Variants in C1orf21 observed in about 807,000 individuals in gnomAD.
C1orf21 encodes chromosome 1 open reading frame 21.
C1orf21 carries 3 observed loss-of-function variants against 18.7 expected under a neutral mutation model. The ratio of observed to expected loss-of-function variants is 0.16; its 90% CI spans 0.07 to 0.42. The LOEUF is 0.42. Ranked by LOEUF, C1orf21 falls within the 10% of genes least tolerant of loss-of-function variation. The pLI, the probability that C1orf21 is intolerant of heterozygous loss-of-function variation, is 0.99. For missense variants in C1orf21, 104 were observed against 143.6 expected (o/e 0.72, Z 1.41); for synonymous variants, 41 against 46.4 (o/e 0.88, Z 0.47).
intron 1 of C1orf21, among the ~76,000 whole-genome samples, chr1:184,427,905 G>A (rs1395130675): frequency 6.6e-6 from 1 of 152,098 alleles, no homozygotes; most frequent in Admixed American, 6.5e-5. Flanking sequence ...TTAAGTAAGG[G>A]CCTTATGACT....
intron 3 of C1orf21, among the ~76,000 whole-genome samples, chr1:184,588,744 T>G (rs949359306): frequency 6.6e-6 from 1 of 152,218 alleles, no homozygotes; most frequent in Admixed American, 6.5e-5. Flanking sequence ...GAGTGGTTAT[T>G]ATTGGTCTTG....
At chr1:184,409,716 T>G (rs1656303429) in intron 1 of C1orf21, among the ~76,000 whole-genome samples, 1 of 152,178 alleles carries the variant, frequency 6.6e-6, no homozygotes, top group Non-Finnish European at 1.5e-5. Context: ...AATTAAATGT[T>G]ATCATGACTC....
At chr1:184,594,868 T>C (rs918746369) in intron 4 of C1orf21, among the ~76,000 whole-genome samples, 2 of 152,212 alleles carry the variant, frequency 1.3e-5, no homozygotes, top group African/African-American at 4.8e-5. Flanking sequence ...CTTTTTATCA[T>C]TTGCAGATTT....
At chr1:184,478,752 T>A (rs991912167) in intron 2 of C1orf21, among the ~76,000 whole-genome samples, 8 of 152,234 alleles carry the variant, frequency 5.3e-5, no homozygotes, top group Non-Finnish European at 1.2e-4. Context: ...ACCAGGCAGA[T>A]GAAGCAATTT....
intron 3 of C1orf21, among the ~76,000 whole-genome samples, chr1:184,529,579 GATGT>G (rs2101972455): frequency 6.6e-6 from 1 of 152,348 alleles, no homozygotes; most frequent in East Asian, 1.9e-4. Flanking sequence ...AAAATCTGGA[GATGT>G]ATCATATTGG....
At chr1:184,572,352 AG>A (rs1659124519) in intron 3 of C1orf21, among the ~76,000 whole-genome samples, 1 of 152,204 alleles carries the variant, frequency 6.6e-6, no homozygotes, top group South Asian at 2.1e-4. Flanking sequence ...AGAGGGAGCG[AG>A]GGAGCGAGAA....
intron 5 of C1orf21, among the ~76,000 whole-genome samples, 157 bp downstream of exon 5, chr1:184,598,618 G>A (rs1558011609): frequency 6.6e-6 from 1 of 152,190 alleles, no homozygotes; most frequent in Non-Finnish European, 1.5e-5. Context: ...CCAAAATAAA[G>A]TGCATGTGAG....
intron 1 of C1orf21, among the ~76,000 whole-genome samples, chr1:184,441,174 C>G (rs2101975077): frequency 6.6e-6 from 1 of 152,268 alleles, no homozygotes; most frequent in Admixed American, 6.5e-5. Context: ...ACAGCTTCCT[C>G]TTGGTTTTTG....
rs991915107 is a variant in C1orf21 at position 184,627,186 on chromosome 1, G to T, written c.*7630G>T. The stretch of plus-strand genomic sequence containing the variant: ...GGCTGCCAGAGCTGGGAGCTCTGCA[G>T]GTATGAGTCAGGGAAGGCTCAGAGA... On this transcript the variant is annotated 3_prime_UTR_variant, in exon 6 of 6. Transcript: ENST00000235307. The T allele has an allele frequency of 5.9e-5, 9 of 152,474 alleles. No homozygotes were observed. The highest frequency in any genetic ancestry group is 1.3e-4 in the Admixed American group (2 of 15,280). 9.4% of individuals were successfully genotyped at this position (152,474 alleles called of 1,614,324 possible).
intron 1 of C1orf21, among the ~76,000 whole-genome samples, chr1:184,402,795 A>G (rs1325624546): frequency 6.6e-6 from 1 of 152,176 alleles, no homozygotes; most frequent in African/African-American, 2.4e-5. Context: ...GTATGTCTTC[A>G]TATTAAAACC....
intron 2 of C1orf21, among the ~76,000 whole-genome samples, chr1:184,496,410 T>C (rs1200815087): frequency 6.6e-6 from 1 of 152,142 alleles, no homozygotes; most frequent in Non-Finnish European, 1.5e-5. Flanking sequence ...CTTTGGCAAA[T>C]ATTTCATTGT....
intron 1 of C1orf21, among the ~76,000 whole-genome samples, chr1:184,450,315 G>C (rs1025528485): frequency 1.4e-4 from 21 of 152,162 alleles, no homozygotes; most frequent in African/African-American, 5.1e-4. Context: ...CAGTGCTCCA[G>C]TCACTGTCTT....
chr1:184,523,830 T>A (rs1336731184), intron 3 of C1orf21, among the ~76,000 whole-genome samples: 1 of 152,192 alleles, frequency 6.6e-6, no homozygotes, highest in Non-Finnish European at 1.5e-5. Flanking sequence ...AATACTTTAA[T>A]GAACAGTGTT....
chr1:184,406,674 T>C (rs1214277560), intron 1 of C1orf21, among the ~76,000 whole-genome samples: 1 of 152,226 alleles, frequency 6.6e-6, no homozygotes, highest in African/African-American at 2.4e-5. Context: ...TGTGCTTTAA[T>C]GGGCCAGCTG....
At chr1:184,577,840 A>G (rs1370681828) in intron 3 of C1orf21, among the ~76,000 whole-genome samples, 1 of 151,960 alleles carries the variant, frequency 6.6e-6, no homozygotes. Context: ...ACTTTTACCA[A>G]TGTAATTTTA....
intron 3 of C1orf21, among the ~76,000 whole-genome samples, chr1:184,531,257 G>A (rs1002048597): frequency 1.3e-3 from 204 of 152,200 alleles, no homozygotes; most frequent in African/African-American, 4.8e-3. Flanking sequence ...TCTTTCATTT[G>A]TTCCTTTCTT....
intron 3 of C1orf21, among the ~76,000 whole-genome samples, chr1:184,534,351 C>T (rs1470317870): frequency 1.3e-5 from 2 of 152,150 alleles, no homozygotes; most frequent in African/African-American, 4.8e-5. Context: ...TTTAGATTTT[C>T]ATTTTGTACA....
chr1:184,619,872 A>G lies in C1orf21; in HGVS notation c.*316A>G. On this transcript the variant is annotated 3_prime_UTR_variant, in exon 6 of 6. Transcript: ENST00000235307. The stretch of plus-strand genomic sequence containing the variant: ...TCACCTTAAAGATACTGTTGGTTTT[A>G]CAGATGCTCTCCAACCTATTTTCTA... 1 of 261,132 alleles carries G rather than the reference A, an allele frequency of 3.8e-6. No individual in the cohort carries two copies. Among genetic ancestry groups the G allele is most frequent in the Non-Finnish European group, 7.1e-6 (1 of 140,018 alleles). 16.2% of individuals were successfully genotyped at this position (261,132 alleles called of 1,614,324 possible). A position where few individuals can be genotyped will look rare whatever the true frequency, so the allele number is the denominator to read the frequency against.
chr1:184,435,106 C>T (rs1656838437), intron 1 of C1orf21, among the ~76,000 whole-genome samples: 1 of 152,154 alleles, frequency 6.6e-6, no homozygotes, highest in South Asian at 2.1e-4. Context: ...TAGAGCATTA[C>T]TGGTGAGATG....
Sources: allele counts gnomAD v4.1 joint callset (sites outside exome capture counted in the v4.1 genomes callset), GRCh38; gene constraint gnomAD v4.1.1; transcripts MANE v1.5; gene names NCBI Gene and HGNC (gene_info 2026-07-23, HGNC 2026-07-21).